The following MARCHF1 variants were observed in gnomAD, a reference collection of about 807,000 sequenced individuals.
MARCHF1 encodes the protein membrane associated ring-CH-type finger 1, also known as E3 ubiquitin-protein ligase MARCHF1.
In MARCHF1, 40 loss-of-function variants were observed where a neutral mutation model predicts 54.2. The ratio of observed to expected loss-of-function variants is 0.74; its 90% CI spans 0.57 to 0.96. The LOEUF is 0.96. Ranked by LOEUF, MARCHF1 falls within the 40% of genes least tolerant of loss-of-function variation. The pLI, the probability that MARCHF1 is intolerant of heterozygous loss-of-function variation, is 0.00. For synonymous variants in MARCHF1, 236 were observed against 236.3 expected (o/e 1.00, Z 0.01); for missense variants, 586 against 656.5 (o/e 0.89, Z 1.17).
intron 5 of MARCHF1, among the ~76,000 whole-genome samples, chr4:163,655,259 C>G (rs1743097825): frequency 6.6e-6 from 1 of 151,630 alleles, no homozygotes; most frequent in South Asian, 2.1e-4. Context: ...ACATTTCGTA[C>G]TTAATTTTCT....
At chr4:164,176,814 C>G (rs1730674833) in intron 1 of MARCHF1, among the ~76,000 whole-genome samples, 1 of 151,530 alleles carries the variant, frequency 6.6e-6, no homozygotes, top group Admixed American at 6.6e-5. Flanking sequence ...TCAGGAAACA[C>G]ACTGAGTGTC....
chr4:164,041,323 C>A (rs950596161), intron 2 of MARCHF1, among the ~76,000 whole-genome samples: 1 of 152,156 alleles, frequency 6.6e-6, no homozygotes. Context: ...CTCTTTCAAC[C>A]ACCATAGCAT....
intron 4 of MARCHF1, among the ~76,000 whole-genome samples, chr4:163,830,293 A>G (rs1748982032): frequency 6.6e-6 from 1 of 150,626 alleles, no homozygotes; most frequent in South Asian, 2.1e-4. Flanking sequence ...GTATAATTAC[A>G]TAAATTATAT....
intron 2 of MARCHF1, among the ~76,000 whole-genome samples, chr4:164,008,086 A>G (rs1275695771): frequency 6.6e-6 from 1 of 152,182 alleles, no homozygotes; most frequent in Non-Finnish European, 1.5e-5. Context: ...TTCATTCAGG[A>G]AACACACTTT....
intron 1 of MARCHF1, among the ~76,000 whole-genome samples, chr4:164,154,686 C>G (rs1730030626): frequency 6.6e-6 from 1 of 152,168 alleles, no homozygotes; most frequent in Non-Finnish European, 1.5e-5. Context: ...CTGAGACTCC[C>G]AAAGCCCAAG....
At chr4:163,765,390 A>C (rs1047906013) in intron 4 of MARCHF1, among the ~76,000 whole-genome samples, 4 of 152,092 alleles carry the variant, frequency 2.6e-5, no homozygotes, top group Admixed American at 6.5e-5. Flanking sequence ...TCCAATGTAC[A>C]TTTTCAGTGA....
chr4:163,695,912 G>C (rs745483035), intron 5 of MARCHF1, among the ~76,000 whole-genome samples: 7 of 151,926 alleles, frequency 4.6e-5, no homozygotes, highest in Non-Finnish European at 8.8e-5. Context: ...GCAGTAACAA[G>C]CACTAATATA....
intron 5 of MARCHF1, among the ~76,000 whole-genome samples, chr4:163,639,779 G>C (rs1441816435): frequency 6.6e-6 from 1 of 152,142 alleles, no homozygotes; most frequent in Non-Finnish European, 1.5e-5. Flanking sequence ...AAGAAAGTAA[G>C]ATCTAATAAG....
intron 4 of MARCHF1, among the ~76,000 whole-genome samples, chr4:163,789,794 G>A (rs1747723824): frequency 6.6e-6 from 1 of 151,942 alleles, no homozygotes; most frequent in Non-Finnish European, 1.5e-5. Flanking sequence ...TGAATAAATG[G>A]ATCTGTAGAA....
chr4:163,901,262 T>C (rs938139171), intron 3 of MARCHF1, among the ~76,000 whole-genome samples: 11 of 152,194 alleles, frequency 7.2e-5, no homozygotes, highest in African/African-American at 2.2e-4. Flanking sequence ...GCTATGACAA[T>C]GTTTTAATAA....
At chr4:164,167,444 A>G (rs1730410727) in intron 1 of MARCHF1, among the ~76,000 whole-genome samples, 1 of 151,944 alleles carries the variant, frequency 6.6e-6, no homozygotes, top group Admixed American at 6.6e-5. Flanking sequence ...TAAAATTCAT[A>G]TGAAACCACA....
chr4:163,958,843 T>C (rs976792456), intron 3 of MARCHF1, among the ~76,000 whole-genome samples: 3 of 151,982 alleles, frequency 2.0e-5, no homozygotes, highest in South Asian at 4.2e-4. Flanking sequence ...TTTTGACCAA[T>C]AGAAAATAAC....
intron 8 of MARCHF1, among the ~76,000 whole-genome samples, chr4:163,566,641 G>T (rs189769608): frequency 1.3e-5 from 2 of 152,148 alleles, no homozygotes; most frequent in Admixed American, 1.3e-4. Flanking sequence ...CAGGTTTTAT[G>T]TCTGGTGGAA....
At chr4:164,208,342 T>C (rs1331990990) in intron 1 of MARCHF1, among the ~76,000 whole-genome samples, 1 of 152,190 alleles carries the variant, frequency 6.6e-6, no homozygotes, top group East Asian at 1.9e-4. Flanking sequence ...GGCTGGATTC[T>C]TTCTTCCTGC....
intron 3 of MARCHF1, among the ~76,000 whole-genome samples, chr4:163,950,025 T>C (rs1314067392): frequency 2.0e-5 from 3 of 152,156 alleles, no homozygotes; most frequent in Non-Finnish European, 4.4e-5. Context: ...GATTGGTCCA[T>C]GGGTGGTCAT....
Position 164,384,009 on chromosome 4 carries a change from A to G in MARCHF1, c.-462T>C, listed in dbSNP as rs1477002281. 1 of 152,170 alleles carries G rather than the reference A, an allele frequency of 6.6e-6. No individual in the cohort carries two copies. Among genetic ancestry groups the G allele is most frequent in the Non-Finnish European group, 1.5e-5 (1 of 68,078 alleles). 9.4% of individuals were successfully genotyped at this position (152,170 alleles called of 1,614,324 possible). A position where few individuals can be genotyped will look rare whatever the true frequency, so the allele number is the denominator to read the frequency against. On this transcript the variant is annotated 5_prime_UTR_variant, in exon 1 of 10. Transcript: ENST00000514618. ...GCGGACGAGCAGCCGGGTGGCAGGC[A>G]GCCCGGCTCTGGCTCGGCTCCCCAG... is the stretch of plus-strand genomic sequence containing the variant.
At chr4:164,224,122 G>A (rs962489964) in intron 1 of MARCHF1, among the ~76,000 whole-genome samples, 1 of 151,210 alleles carries the variant, frequency 6.6e-6, no homozygotes, top group East Asian at 2.0e-4. Context: ...GGACAGCTTT[G>A]AATGAGGTCC....
intron 2 of MARCHF1, among the ~76,000 whole-genome samples, chr4:164,054,298 G>A (rs1389882157): frequency 3.3e-5 from 5 of 152,042 alleles, no homozygotes; most frequent in African/African-American, 4.8e-5. Context: ...AGGATGTGGA[G>A]AAATAGGAAC....
intron 1 of MARCHF1, among the ~76,000 whole-genome samples, chr4:164,155,637 A>G (rs1055866967): frequency 6.6e-6 from 1 of 152,148 alleles, no homozygotes; most frequent in African/African-American, 2.4e-5. Flanking sequence ...TAATGTATAC[A>G]TTGACATAGA....
Sources: allele counts gnomAD v4.1 joint callset (sites outside exome capture counted in the v4.1 genomes callset), GRCh38; gene constraint gnomAD v4.1.1; transcripts MANE v1.5; gene names NCBI Gene and HGNC (gene_info 2026-07-23, HGNC 2026-07-21).